The following PRELID2 variants were observed in gnomAD, a reference collection of about 807,000 sequenced individuals.
PRELID2 encodes PRELI domain-containing protein 2.
A neutral mutation model predicts 28.4 loss-of-function variants in PRELID2; 25 were observed. That is an observed-to-expected ratio of 0.88 (90% CI 0.64 to 1.23). PRELID2 has a LOEUF of 1.23. PRELID2 is among the 50% of genes most tolerant of loss of function. The probability of loss-of-function intolerance (pLI) is 0.00; values close to 1 mark genes in which losing one functional copy is unlikely to be tolerated. For missense variants in PRELID2, 201 were observed against 214.4 expected (o/e 0.94, Z 0.39); for synonymous variants, 76 against 71.6 (o/e 1.06, Z -0.31).
chr5:145,316,195 G>A, the PRELID2 span, among the ~76,000 whole-genome samples: 2 of 152,114 alleles, frequency 1.3e-5, no homozygotes, highest in African/African-American at 4.8e-5. Flanking sequence ...GGTCTTTATT[G>A]TTTAAACTTA....
chr5:145,471,800 C>A (rs1437716658), exon 3 of PRELID2: 1 of 152,024 alleles, frequency 6.6e-6, no homozygotes, highest in African/African-American at 2.4e-5. Context: ...TTGCAATCAA[C>A]ATAATCCAAC....
At chr5:145,812,765 A>T (rs1754041177) in intron 4 of PRELID2, among the ~76,000 whole-genome samples, 1 of 152,240 alleles carries the variant, frequency 6.6e-6, no homozygotes, top group African/African-American at 2.4e-5. Context: ...TGGGAGAGTC[A>T]GATGAGTGAG....
At chr5:145,743,319 G>C (rs914063912) in intron 1 of PRELID2, among the ~76,000 whole-genome samples, 3 of 149,756 alleles carry the variant, frequency 2.0e-5, no homozygotes, top group Non-Finnish European at 4.4e-5. Flanking sequence ...GCTGAGGCAG[G>C]AGAATTGCTT....
chr5:145,829,771 T>C (rs1044984466), intron 1 of PRELID2, among the ~76,000 whole-genome samples: 2 of 152,166 alleles, frequency 1.3e-5, no homozygotes, highest in Admixed American at 6.5e-5. Flanking sequence ...GAAAGACTAG[T>C]ACAGCATGTG....
At chr5:145,497,132 G>T (rs1053863999) in intron 1 of PRELID2, among the ~76,000 whole-genome samples, 35 of 152,246 alleles carry the variant, frequency 2.3e-4, no homozygotes, top group African/African-American at 8.4e-4. Context: ...CCAAAGCTCT[G>T]GGATTACAGG....
At chr5:145,392,241 G>T in the PRELID2 span, among the ~76,000 whole-genome samples, 4 of 152,176 alleles carry the variant, frequency 2.6e-5, no homozygotes, top group East Asian at 7.8e-4. Flanking sequence ...CAGCATGGCT[G>T]GGGAGGCCTC....
intron 1 of PRELID2, among the ~76,000 whole-genome samples, chr5:145,723,733 C>G (rs538686392): frequency 6.6e-6 from 1 of 152,292 alleles, no homozygotes; most frequent in Admixed American, 6.5e-5. Flanking sequence ...CACTCTCATT[C>G]ATTGCTGGTG....
At chr5:145,803,403 T>A (rs1252497579) in intron 4 of PRELID2, among the ~76,000 whole-genome samples, 2 of 150,508 alleles carry the variant, frequency 1.3e-5, no homozygotes, top group Non-Finnish European at 3.0e-5. Flanking sequence ...ACGTGTAAAA[T>A]CACACACACA....
intron 1 of PRELID2, among the ~76,000 whole-genome samples, chr5:145,560,223 A>G (rs188372384): frequency 6.6e-6 from 1 of 152,336 alleles, no homozygotes; most frequent in African/African-American, 2.4e-5. Context: ...GAGATCACAA[A>G]TGGAACCATT....
intron 1 of PRELID2, among the ~76,000 whole-genome samples, chr5:145,555,853 C>T (rs1156811837): frequency 6.6e-6 from 1 of 152,136 alleles, no homozygotes; most frequent in Admixed American, 6.6e-5. Flanking sequence ...CAAGGCCCTA[C>T]TGCCACTGCT....
chr5:145,535,824 C>A (rs1221141095), intron 1 of PRELID2, among the ~76,000 whole-genome samples: 1 of 151,882 alleles, frequency 6.6e-6, no homozygotes, highest in Non-Finnish European at 1.5e-5. Context: ...TTTTTCACTT[C>A]TTCCTTTAGT....
At chr5:145,297,604 G>A in the PRELID2 span, among the ~76,000 whole-genome samples, 1 of 151,842 alleles carries the variant, frequency 6.6e-6, no homozygotes, top group Non-Finnish European at 1.5e-5. Context: ...ACATAGTGTT[G>A]GAAGTTCTGG....
At chr5:145,527,630 C>T (rs1184162634) in intron 1 of PRELID2, among the ~76,000 whole-genome samples, 1 of 152,114 alleles carries the variant, frequency 6.6e-6, no homozygotes, top group Admixed American at 6.6e-5. Context: ...TTGTGCTTTG[C>T]CCTCAAGGGT....
chr5:145,742,506 G>T (rs1756861567), intron 1 of PRELID2, among the ~76,000 whole-genome samples: 1 of 122,546 alleles, frequency 8.2e-6, no homozygotes, highest in African/African-American at 3.1e-5. Context: ...ATTAATCTAG[G>T]AGCCAAAGAA....
chr5:145,299,567 C>A, the PRELID2 span, among the ~76,000 whole-genome samples: 1 of 151,844 alleles, frequency 6.6e-6, no homozygotes, highest in Admixed American at 6.6e-5. Context: ...GACACCTGAT[C>A]GTTGCATCCT....
At chr5:145,349,246 T>G in the PRELID2 span, among the ~76,000 whole-genome samples, 3 of 152,188 alleles carry the variant, frequency 2.0e-5, no homozygotes, top group East Asian at 1.9e-4. Flanking sequence ...CTAAACCCCC[T>G]TTTTGAAATG....
the PRELID2 span, among the ~76,000 whole-genome samples, chr5:145,267,932 GTTT>G: frequency 6.6e-5 from 10 of 151,508 alleles, no homozygotes; most frequent in African/African-American, 2.4e-4. Flanking sequence ...TAATATAACT[GTTT>G]ACCATTTGTA....
At chr5:145,743,179 C>T (rs928109548) in intron 1 of PRELID2, among the ~76,000 whole-genome samples, 5 of 151,766 alleles carry the variant, frequency 3.3e-5, no homozygotes, top group Admixed American at 6.6e-5. Context: ...GAAGCCGAGA[C>T]GGGCAGATCA....
At chr5:145,814,744 A>C (rs1414780233) in intron 4 of PRELID2, among the ~76,000 whole-genome samples, 1 of 152,208 alleles carries the variant, frequency 6.6e-6, no homozygotes, top group East Asian at 1.9e-4. Context: ...AGTTCACAGC[A>C]ACCACAGTTC....
Sources: allele counts gnomAD v4.1 joint callset (sites outside exome capture counted in the v4.1 genomes callset), GRCh38; gene constraint gnomAD v4.1.1; transcripts MANE v1.5; gene names NCBI Gene and HGNC (gene_info 2026-07-23, HGNC 2026-07-21).